The following FZD5 variants were observed in gnomAD, a reference collection of about 807,000 sequenced individuals.
The protein encoded by FZD5 is frizzled class receptor 5.
In FZD5, 12 loss-of-function variants were observed where a neutral mutation model predicts 40.8. That is an observed-to-expected ratio of 0.29 (90% CI 0.19 to 0.48). FZD5 has a LOEUF of 0.48. FZD5 is among the 20% of genes least tolerant of loss of function. FZD5 has a pLI of 0.99. For missense variants in FZD5, 622 were observed against 832.8 expected, an observed-to-expected ratio of 0.75 and a Z score of 3.12; for synonymous variants, 380 against 383.7, an observed-to-expected ratio of 0.99 and a Z score of 0.11.
At position 207,767,635 on chromosome 2, in the gene FZD5, TG is replaced by T. The variant is rs1457488931; in HGVS notation, c.1104del (p.Ser369AlafsTer10). 2 of 1,613,250 alleles carry T rather than the reference TG, an allele frequency of 1.2e-6. No individual in the cohort carries two copies. The highest frequency in any genetic ancestry group is 8.5e-7 in the Non-Finnish European group (1 of 1,179,746). On this transcript the variant is annotated frameshift_variant, in exon 2 of 2. Coordinates refer to ENST00000295417, the MANE Select transcript of FZD5 (RefSeq NM_003468.4). LOFTEE classifies it high-confidence loss of function. Reference sequence around the variant, plus strand: ...GCCAGTGCCGTGATGGACTTGACGCTGGGGATGAGCCACGCAGCCAGGTGGA... The same window carrying T: ...GCCAGTGCCGTGATGGACTTGACGCTGGGATGAGCCACGCAGCCAGGTGGA... ...QYFHLAAWLI[P>X]SVKSITALAL...
In FZD5 at chr2:207,768,351, C is replaced by A; in HGVS notation, c.389G>T (p.Arg130Leu). ...MRQYGFAWPE[R>L]MSCDRLPVLG... ...CACCGGGAGGCGGTCGCAGCTCATG[C>A]GCTCGGGCCAGGCGAAGCCGTACTG... Residue 130 changes from arginine (R) to leucine (L), a missense_variant, in exon 2 of 2, where the codon CGC (arginine) becomes CTC (leucine). Physicochemically the swap from Arg to Leu is moderately radical, Grantham distance 102. This residue lies in a region of FZD5 where 144 missense variants were observed against 214.2 expected (regional missense o/e 0.67). Transcript: ENST00000295417. 5 of 1,572,902 alleles carry A rather than the reference C, an allele frequency of 3.2e-6. No homozygotes were observed. The highest frequency in any genetic ancestry group is 4.3e-6 in the Non-Finnish European group (5 of 1,164,666).
intron 1 of FZD5, 51 bp downstream of exon 1, chr2:207,769,213 GA>G: frequency 6.2e-6 from 1 of 160,082 alleles, no homozygotes; most frequent in Non-Finnish European, 1.4e-5. Flanking sequence ...CAGCTTCCCG[GA>G]AAAGGGCACA....
rs748620879 is a variant in FZD5, at chr2:207,765,148, C to T, written c.*1834G>A. On this transcript the variant is annotated 3_prime_UTR_variant, in exon 2 of 2. Coordinates refer to ENST00000295417, the MANE Select transcript of FZD5 (RefSeq NM_003468.4). ...GTTTAAATTCCCCCTGGGAACTATG[C>T]ATTTGTCTATTTAACATCCATGAAG... is the stretch of plus-strand genomic sequence containing the variant. 1 of 152,200 alleles carries T rather than the reference C, an allele frequency of 6.6e-6. No homozygotes were observed. Among genetic ancestry groups the T allele is most frequent in the Admixed American group, 6.5e-5 (1 of 15,282 alleles). 9.4% of individuals were successfully genotyped at this position (152,200 alleles called of 1,614,324 possible).
chr2:207,763,290 C>T lies in FZD5; in HGVS notation c.*3692G>A, dbSNP rs2091963842. The stretch of plus-strand genomic sequence containing the variant: ...AAAATGATGCACTCACAGACAGACA[C>T]TATCCTGGCTGAAATAAATCCTATT... On this transcript the variant is annotated 3_prime_UTR_variant, in exon 2 of 2. Transcript: ENST00000295417. 1 of 152,606 alleles carries T rather than the reference C, an allele frequency of 6.6e-6. No individual in the cohort carries two copies. Among genetic ancestry groups the T allele is most frequent in the Non-Finnish European group, 1.5e-5 (1 of 68,040 alleles). 9.5% of individuals were successfully genotyped at this position (152,606 alleles called of 1,614,324 possible).
chr2:207,768,376 G>A lies in FZD5; in HGVS notation c.364C>T (p.Gln122Ter). 1 of 1,599,222 alleles carries A rather than the reference G, an allele frequency of 6.3e-7. No individual in the cohort carries two copies. The highest frequency in any genetic ancestry group is 8.5e-7 in the Non-Finnish European group (1 of 1,176,644). Residue 122 changes from glutamine (Q) to a stop codon, truncating the protein, a stop_gained, in exon 2 of 2, where the codon CAG becomes TAG. Transcript: ENST00000295417. LOFTEE classifies it high-confidence loss of function. ...CGCTCGGGCCAGGCGAAGCCGTACT[G>A]GCGCATCAGCGGCGAGCAGCCGGCC... ...AKAGCSPLMR[Q>*]YGFAWPERMS...
At position 207,765,174 on chromosome 2, in the gene FZD5, TA is replaced by T. The variant is rs2091973376; in HGVS notation, c.*1807del. 6.6e-6 allele frequency: 1 copy of T among 152,240 alleles called. No individual in the cohort carries two copies. The highest frequency in any genetic ancestry group is 2.4e-5 in the African/African-American group (1 of 41,478). 9.4% of individuals were successfully genotyped at this position (152,240 alleles called of 1,614,324 possible). ...ATTTGTCTATTTAACATCCATGAAG[TA>T]AAAATTGTCCTAGGCTTAAATTTTA... On this transcript the variant is annotated 3_prime_UTR_variant, in exon 2 of 2. Coordinates refer to ENST00000295417, the MANE Select transcript of FZD5 (RefSeq NM_003468.4).
In FZD5 at chr2:207,769,660, C is replaced by T. The variant is rs2092001473; in HGVS notation, c.-651G>A. 1 of 152,044 alleles carries T rather than the reference C, an allele frequency of 6.6e-6. No individual in the cohort carries two copies. The highest frequency in any genetic ancestry group is 1.5e-5 in the Non-Finnish European group (1 of 68,008). 9.4% of individuals were successfully genotyped at this position (152,044 alleles called of 1,614,324 possible). On this transcript the variant is annotated 5_prime_UTR_variant, in exon 1 of 2. Transcript: ENST00000295417. ...CGCCGCCTCACAGCACCGCGAGCAG[C>T]CGGCGCTGGCCAGGCCGGGACTGCA...
chr2:207,764,042 T>C lies in FZD5; in HGVS notation c.*2940A>G, dbSNP rs1178842071. 1 of 152,618 alleles carries C rather than the reference T, an allele frequency of 6.6e-6. No homozygotes were observed. Among genetic ancestry groups the C allele is most frequent in the African/African-American group, 2.4e-5 (1 of 41,440 alleles). 9.5% of individuals were successfully genotyped at this position (152,618 alleles called of 1,614,324 possible). A position where few individuals can be genotyped will look rare whatever the true frequency, so the allele number is the denominator to read the frequency against. ...TTTCAAAATGTGAGAAGGAAAATCA[T>C]AGAAATTAAAAAGATTTCCTAAAAT... On this transcript the variant is annotated 3_prime_UTR_variant, in exon 2 of 2. Transcript: ENST00000295417.
At position 207,768,713 on chromosome 2, in the gene FZD5, C is replaced by A. The variant is rs535273979; in HGVS notation, c.27G>T (p.Pro9=). Residue 9 remains proline, a synonymous_variant, in exon 2 of 2, where the codon CCG becomes CCT. Transcript: ENST00000295417. MARPDPSA[P]PSLLLLLLAQ... ...CTAGGAGCAGCAGCAACAGCGAGGG[C>A]GGCGCGGATGGGTCAGGCCGAGCCA... 3.1e-6 allele frequency: 5 copies of A among 1,592,680 alleles called. No homozygotes were observed. In the Admixed American group the frequency reaches 5.3e-5, roughly 17 times the overall value.
In FZD5 at chr2:207,764,974, G is replaced by A. The variant is rs1351261889; in HGVS notation, c.*2008C>T. 1 of 152,188 alleles carries A rather than the reference G, an allele frequency of 6.6e-6. No homozygotes were observed. The highest frequency in any genetic ancestry group is 2.4e-5 in the African/African-American group (1 of 41,456). 9.4% of individuals were successfully genotyped at this position (152,188 alleles called of 1,614,324 possible). ...AATAGAGGAATAAAATAGGCACAAA[G>A]TTCTGTAGCTATTTGTACGAGGTTT... On this transcript the variant is annotated 3_prime_UTR_variant, in exon 2 of 2. Coordinates refer to ENST00000295417, the MANE Select transcript of FZD5 (RefSeq NM_003468.4).
chr2:207,768,995 CTT>C lies in FZD5; in HGVS notation c.-255-3_-255-2del. The C allele has an allele frequency of 1.9e-6, 1 of 533,450 alleles. No individual in the cohort carries two copies. Among genetic ancestry groups the C allele is most frequent in the Admixed American group, 3.6e-5 (1 of 27,492 alleles). The allele number at this position is 533,450 out of a possible 1,614,324, so 33.0% of individuals were successfully genotyped here. A position where few individuals can be genotyped will look rare whatever the true frequency, so the allele number is the denominator to read the frequency against. On this transcript the variant is annotated splice_acceptor_variant and splice_polypyrimidine_tract_variant and intron_variant, in intron 1 of 1. Coordinates refer to ENST00000295417, the MANE Select transcript of FZD5 (RefSeq NM_003468.4). LOFTEE classifies it low-confidence loss of function (5UTR_SPLICE). ...GGGCTCGGATTCCAGGGAAAGGACT[CTT>C]TAAAAAAGAAGGGGGAGAAGAAAGA...
Position 207,766,853 on chromosome 2 carries a change from C to T in FZD5, c.*129G>A, listed in dbSNP as rs1402519820. On this transcript the variant is annotated 3_prime_UTR_variant, in exon 2 of 2. Transcript: ENST00000295417. The stretch of plus-strand genomic sequence containing the variant: ...TCTTCCTCGAAAACGCCCCTCTTCC[C>T]TCTCTCCAAGTCGCCGCGGGAGGGG... 1.1e-5 allele frequency: 8 copies of T among 705,628 alleles called. No homozygotes were observed. The highest frequency in any genetic ancestry group is 9.3e-5 in the African/African-American group (5 of 54,032). 43.7% of individuals were successfully genotyped at this position (705,628 alleles called of 1,614,324 possible).
chr2:207,768,174 A>G lies in FZD5; in HGVS notation c.566T>C (p.Val189Ala). 2 of 1,605,092 alleles carry G rather than the reference A, an allele frequency of 1.2e-6. No individual in the cohort carries two copies. The highest frequency in any genetic ancestry group is 1.7e-6 in the Non-Finnish European group (2 of 1,179,022). Residue 189 changes from valine (V) to alanine (A), a missense_variant, in exon 2 of 2, where the codon GTG becomes GCG. Coordinates refer to ENST00000295417, the MANE Select transcript of FZD5 (RefSeq NM_003468.4). ...GGECPAGGPFVCKCREPFVPI... is the reference protein window; with the variant it reads ...GGECPAGGPFACKCREPFVPI... Reference sequence around the variant, plus strand: ...CACGAAGGGCTCGCGACACTTGCACACGAACGGGCCCCCAGCGGGGCATTC... The same window carrying G: ...CACGAAGGGCTCGCGACACTTGCACGCGAACGGGCCCCCAGCGGGGCATTC...
Position 207,767,089 on chromosome 2 carries a change from T to C in FZD5, c.1651A>G (p.Met551Val), listed in dbSNP as rs921186769. ...PRRGHKSGGA[M>V]AAGDYPEASA... ...GCCTCGGGGTAGTCCCCTGCGGCCA[T>C]GGCGCCCCCGCTCTTGTGGCCGCGC... Residue 551 changes from methionine to valine, a missense_variant, in exon 2 of 2, where the codon ATG (methionine) becomes GTG (valine). Physicochemically the swap from Met to Val is conservative, Grantham distance 21. Transcript: ENST00000295417. 1.3e-6 allele frequency: 2 copies of C among 1,592,008 alleles called. No homozygotes were observed. The highest frequency in any genetic ancestry group is 1.7e-5 in the Admixed American group (1 of 57,626).
Position 207,768,978 on chromosome 2 carries a change from A to T in FZD5, c.-239T>A. Reference sequence around the variant, plus strand: ...CTGGGGAGAGACGGTTAGGGCTCGGATTCCAGGGAAAGGACTCTTTAAAAA... The same window carrying T: ...CTGGGGAGAGACGGTTAGGGCTCGGTTTCCAGGGAAAGGACTCTTTAAAAA... On this transcript the variant is annotated 5_prime_UTR_variant, in exon 2 of 2. Coordinates refer to ENST00000295417, the MANE Select transcript of FZD5 (RefSeq NM_003468.4). 1 of 557,072 alleles carries T rather than the reference A, an allele frequency of 1.8e-6. No individual in the cohort carries two copies. Among genetic ancestry groups the T allele is most frequent in the Non-Finnish European group, 3.2e-6 (1 of 308,938 alleles). The allele number at this position is 557,072 out of a possible 1,614,324, so 34.5% of individuals were successfully genotyped here.
chr2:207,769,020 A>G (rs908067800), intron 1 of FZD5, 26 bp from the exon 2 acceptor site: 19 of 496,096 alleles, frequency 3.8e-5, no homozygotes, highest in African/African-American at 2.7e-4. Flanking sequence ...GGGAGAAGAA[A>G]GATTGCAACC....
At chr2:207,769,137 T>G in intron 1 of FZD5, 128 bp downstream of exon 1, 1 of 190,860 alleles carries the variant, frequency 5.2e-6, no homozygotes, top group East Asian at 1.5e-4. Context: ...GTAACCAAAC[T>G]ACCGACTCCC....
In FZD5 at chr2:207,768,945, G is replaced by A. The variant is rs1575235722; in HGVS notation, c.-206C>T. The A allele has an allele frequency of 8.4e-6, 5 of 597,794 alleles. No individual in the cohort carries two copies. The highest frequency in any genetic ancestry group is 1.5e-5 in the Non-Finnish European group (5 of 330,190). The allele number at this position is 597,794 out of a possible 1,614,324, so 37.0% of individuals were successfully genotyped here. A position where few individuals can be genotyped will look rare whatever the true frequency, so the allele number is the denominator to read the frequency against. ...CGCTGGCAGCGCTCCGCTCCTCGCC[G>A]GATAGGGCTGGGGAGAGACGGTTAG... is the stretch of plus-strand genomic sequence containing the variant. On this transcript the variant is annotated 5_prime_UTR_variant, in exon 2 of 2. Transcript: ENST00000295417.
chr2:207,766,876 G>T lies in FZD5; in HGVS notation c.*106C>A. ...CCCTCTCTCCAAGTCGCCGCGGGAG[G>T]GGGCAACAGCACCATGAAGGTAAAC... On this transcript the variant is annotated 3_prime_UTR_variant, in exon 2 of 2. Coordinates refer to ENST00000295417, the MANE Select transcript of FZD5 (RefSeq NM_003468.4). 1 of 913,398 alleles carries T rather than the reference G, an allele frequency of 1.1e-6. No individual in the cohort carries two copies. The highest frequency in any genetic ancestry group is 2.9e-5 in the East Asian group (1 of 34,028). The allele number at this position is 913,398 out of a possible 1,614,324, so 56.6% of individuals were successfully genotyped here.
Sources: allele counts gnomAD v4.1 joint callset, GRCh38; gene constraint gnomAD v4.1.1; regional missense constraint gnomAD v4.1.1; transcripts MANE v1.5; gene names NCBI Gene and HGNC (gene_info 2026-07-23, HGNC 2026-07-21).